Variants in CHAC2 observed in about 807,000 individuals in gnomAD.
CHAC2 encodes ChaC glutathione specific gamma-glutamylcyclotransferase 2, also known as glutathione-specific gamma-glutamylcyclotransferase 2.
Under a neutral mutation model 16.9 loss-of-function variants are expected in CHAC2, and 20 were observed. The observed-to-expected ratio is 1.18, with a 90% CI of 0.83 to 1.72. CHAC2 has a LOEUF of 1.72. Ranked by LOEUF, CHAC2 falls within the 40% of genes most tolerant of loss-of-function variation. The probability of loss-of-function intolerance (pLI) is 0.00; values close to 1 mark genes in which losing one functional copy is unlikely to be tolerated. For missense variants in CHAC2, 269 were observed against 222.2 expected, an observed-to-expected ratio of 1.21 and a Z score of -1.34; for synonymous variants, 91 against 77.3, an observed-to-expected ratio of 1.18 and a Z score of -0.93.
chr2:53,768,216 A>G, intron 1 of CHAC2, 195 bp downstream of exon 1: 1 of 605,654 alleles, frequency 1.7e-6, no homozygotes, highest in African/African-American at 1.9e-5. Context: ...ACTCCTTCCG[A>G]AGCTGCTTAA....
rs143366196 is a variant in CHAC2, at chr2:53,774,305, C to T, written c.335C>T (p.Thr112Ile). 3.7e-4 allele frequency: 599 copies of T among 1,613,914 alleles called. 2 individuals are homozygous for T. The Middle Eastern group carries it at 7.4e-3, about 20-fold the overall frequency. ...KPFSVLLYIG[T>I]CDNPDYLGPA... ...TTCAGTGTATTGCTATATATTGGAACATGTGATAATCCTGATTATCTTGGT... is the reference window on the plus strand; with the variant it reads ...TTCAGTGTATTGCTATATATTGGAATATGTGATAATCCTGATTATCTTGGT... Residue 112 changes from threonine (T) to isoleucine (I), a missense_variant, in exon 3 of 3, where the codon ACA (threonine) becomes ATA (isoleucine). Transcript: ENST00000295304.
Position 53,774,678 on chromosome 2 carries a change from T to C in CHAC2, c.*153T>C, listed in dbSNP as rs1240093707. The C allele has an allele frequency of 3.5e-6, 2 of 570,194 alleles. No individual in the cohort carries two copies. Among genetic ancestry groups the C allele is most frequent in the Non-Finnish European group, 5.6e-6 (2 of 356,826 alleles). 35.3% of individuals were successfully genotyped at this position (570,194 alleles called of 1,614,324 possible). On this transcript the variant is annotated 3_prime_UTR_variant, in exon 3 of 3. Transcript: ENST00000295304. The stretch of plus-strand genomic sequence containing the variant: ...GAAACACATATTTAAAATATTGGGA[T>C]ACAGTGAAAGAAAAATTCAAATTTT...
Position 53,771,883 on chromosome 2 carries a change from T to A in CHAC2, c.136-24T>A, listed in dbSNP as rs200858714. On this transcript the variant is annotated intron_variant, in intron 1 of 2. Transcript: ENST00000295304. Reference sequence around the variant, plus strand: ...AATGAACTTTATTAATTCAGAAAAATTTTTTTTTACCTTTTTAAAACAGCC... The same window carrying A: ...AATGAACTTTATTAATTCAGAAAAAATTTTTTTTACCTTTTTAAAACAGCC... The A allele has an allele frequency of 7.6e-4, 1,075 of 1,421,898 alleles. 3 individuals carry two copies. Among genetic ancestry groups the A allele is most frequent in the African/African-American group, 6.2e-3 (430 of 69,616 alleles). The allele number at this position is 1,421,898 out of a possible 1,614,324, so 88.1% of individuals were successfully genotyped here.
At position 53,772,381 on chromosome 2, in the gene CHAC2, A is replaced by G. The variant is rs566303978; in HGVS notation, c.171+439A>G. Among the ~76,000 whole-genome samples the G allele has an allele frequency of 9.2e-5, 14 of 152,256 alleles. No homozygotes were observed. The East Asian group carries it at 2.1e-3, about 23-fold the overall frequency. On this transcript the variant is annotated intron_variant, in intron 2 of 2. Transcript: ENST00000295304. ...AGTAGAGACGAGGTTTCACCGTGTTAGCCAGGATGGTCTCAATCTCCCGAC... is the reference window on the plus strand; with the variant it reads ...AGTAGAGACGAGGTTTCACCGTGTTGGCCAGGATGGTCTCAATCTCCCGAC...
At chr2:53,769,634 G>A (rs182715638) in intron 1 of CHAC2, among the ~76,000 whole-genome samples, 12 of 152,318 alleles carry the variant, frequency 7.9e-5, no homozygotes, top group Admixed American at 6.5e-4. Context: ...ATCACCTGAG[G>A]TCGGGAGTTC....
At chr2:53,771,509 G>A (rs569121045) in intron 1 of CHAC2, among the ~76,000 whole-genome samples, 55 of 152,012 alleles carry the variant, frequency 3.6e-4, no homozygotes, top group African/African-American at 1.1e-3. Flanking sequence ...GCAAAACTCC[G>A]TCTCAAAAAA....
intron 1 of CHAC2, among the ~76,000 whole-genome samples, chr2:53,769,864 G>C (rs1673773050): frequency 6.6e-6 from 1 of 152,058 alleles, no homozygotes; most frequent in Non-Finnish European, 1.5e-5. Flanking sequence ...GCTAAAAAAA[G>C]GTGTCTTTCT....
In CHAC2 at chr2:53,771,943, G is replaced by T; in HGVS notation, c.171+1G>T. The T allele has an allele frequency of 6.6e-7, 1 of 1,525,276 alleles. No individual in the cohort carries two copies. Among genetic ancestry groups the T allele is most frequent in the East Asian group, 2.3e-5 (1 of 43,394 alleles). 94.5% of individuals were successfully genotyped at this position (1,525,276 alleles called of 1,614,324 possible). A position where few individuals can be genotyped will look rare whatever the true frequency, so the allele number is the denominator to read the frequency against. ...TGTGACTCTTGTTGAAGATCCTGCG[G>T]TATGGTATAAATATTCTTTTTTGTA... On this transcript the variant is annotated splice_donor_variant, in intron 2 of 2. Coordinates refer to ENST00000295304, the MANE Select transcript of CHAC2 (RefSeq NM_001008708.4). LOFTEE classifies it high-confidence loss of function.
chr2:53,768,104 A>G, intron 1 of CHAC2, 83 bp downstream of exon 1: 1 of 1,512,372 alleles, frequency 6.6e-7, no homozygotes, highest in Non-Finnish European at 9.0e-7. Context: ...CACCCTAGAG[A>G]ACCACACCTT....
At position 53,774,278 on chromosome 2, in the gene CHAC2, C is replaced by T. The variant is rs757666573; in HGVS notation, c.308C>T (p.Pro103Leu). ...TATCCAAAAGATCCCACAACAAAAC[C>T]ATTCAGTGTATTGCTATATATTGGA... The part of the protein sequence containing the change: ...IFYPKDPTTK[P>L]FSVLLYIGTC... The change falls in exon 3 of 3, where the codon CCA (proline) becomes CTA (leucine). Residue 103 changes from proline (P) to leucine (L), a missense_variant. Transcript: ENST00000295304. The T allele has an allele frequency of 6.2e-7, 1 of 1,614,012 alleles. No individual in the cohort carries two copies. Among genetic ancestry groups the T allele is most frequent in the East Asian group, 2.2e-5 (1 of 44,880 alleles).
chr2:53,774,358 C>G lies in CHAC2; in HGVS notation c.388C>G (p.Gln130Glu). 1 of 1,613,338 alleles carries G rather than the reference C, an allele frequency of 6.2e-7. No individual in the cohort carries two copies. The highest frequency in any genetic ancestry group is 8.5e-7 in the Non-Finnish European group (1 of 1,179,834). ...GPAPLEDIAE[Q>E]IFNAAGPSGR... is the part of the protein sequence containing the mutation. ...TGCACCTCTGGAAGACATTGCTGAA[C>G]AAATTTTTAATGCAGCTGGTCCAAG... is the stretch of plus-strand genomic sequence containing the variant. The change falls in exon 3 of 3, where the codon CAA becomes GAA. Residue 130 changes from glutamine to glutamate, a missense_variant. By Grantham distance (29) the Gln-to-Glu change is conservative (BLOSUM62 2). Transcript: ENST00000295304.
chr2:53,773,443 A>T (rs2104166334), intron 2 of CHAC2, among the ~76,000 whole-genome samples: 1 of 151,782 alleles, frequency 6.6e-6, no homozygotes, highest in East Asian at 2.0e-4. Context: ...TTTATTTTTT[A>T]TTTTTTTGAG....
Position 53,774,927 on chromosome 2 carries a change from C to A in CHAC2, c.*402C>A, listed in dbSNP as rs2542581. The A allele has an allele frequency of 0.16, 25,155 of 154,788 alleles. 2,128 individuals carry two copies. The highest frequency in any genetic ancestry group is 0.23 in the South Asian group (1,106 of 4,850). The allele number at this position is 154,788 out of a possible 1,614,324, so 9.6% of individuals were successfully genotyped here. On this transcript the variant is annotated 3_prime_UTR_variant, in exon 3 of 3. Transcript: ENST00000295304. ...ATATATTCCTATACAATTCTGTAACCATGGTTTAAAATACACAAGCTTAAA... is the reference window on the plus strand; with the variant it reads ...ATATATTCCTATACAATTCTGTAACAATGGTTTAAAATACACAAGCTTAAA...
chr2:53,767,791 C>G, upstream of CHAC2: 1 of 1,483,630 alleles, frequency 6.7e-7, no homozygotes, highest in South Asian at 1.3e-5. Flanking sequence ...GCCTGCGCCC[C>G]GCGCGGCCGG....
intron 2 of CHAC2, among the ~76,000 whole-genome samples, chr2:53,772,331 T>G (rs1231712372): frequency 6.6e-6 from 1 of 152,064 alleles, no homozygotes. Flanking sequence ...CCCGCCACCA[T>G]GTCTGGCTAA....
At chr2:53,771,854 A>C in intron 1 of CHAC2, 53 bp from the exon 2 acceptor site, 1 of 973,842 alleles carries the variant, frequency 1.0e-6, no homozygotes, top group Non-Finnish European at 1.6e-6. Flanking sequence ...ATGCTCAGCT[A>C]CTTAATGAAC....
At chr2:53,771,236 C>G (rs1187225207) in intron 1 of CHAC2, among the ~76,000 whole-genome samples, 4 of 152,062 alleles carry the variant, frequency 2.6e-5, no homozygotes, top group Non-Finnish European at 5.9e-5. Context: ...AACTATAGGC[C>G]GGGTGCGGTG....
At position 53,774,227 on chromosome 2, in the gene CHAC2, G is replaced by C; in HGVS notation, c.257G>C (p.Gly86Ala). Residue 86 changes from glycine (G) to alanine (A), a missense_variant, in exon 3 of 3, where the codon GGC becomes GCC. Transcript: ENST00000295304. ...TACCTTGACTTCAGAGAAAAAGGAG[G>C]CTACAGAACCACAACAGTCATTTTT... ...KAYLDFREKG[G>A]YRTTTVIFYP... 1.9e-6 allele frequency: 3 copies of C among 1,614,028 alleles called. No individual in the cohort carries two copies. Among genetic ancestry groups the C allele is most frequent in the Non-Finnish European group, 2.5e-6 (3 of 1,179,998 alleles).
intron 2 of CHAC2, 116 bp downstream of exon 2, chr2:53,772,058 T>C: frequency 1.6e-6 from 1 of 637,444 alleles, no homozygotes; most frequent in Non-Finnish European, 2.6e-6. Flanking sequence ...AAATTTAGAA[T>C]TCTTCTCTGT....
Sources: allele counts gnomAD v4.1 joint callset (sites outside exome capture counted in the v4.1 genomes callset), GRCh38; gene constraint gnomAD v4.1.1; transcripts MANE v1.5; gene names NCBI Gene and HGNC (gene_info 2026-07-23, HGNC 2026-07-21).